Variants in PRKG1 observed in about 807,000 individuals in gnomAD.
The protein encoded by PRKG1 is protein kinase cGMP-dependent 1.
PRKG1 carries 35 observed loss-of-function variants against 88.1 expected under a neutral mutation model. The ratio of observed to expected loss-of-function variants is 0.40; its 90% CI spans 0.30 to 0.53. The LOEUF (loss-of-function observed/expected upper bound fraction) is 0.53, where lower values mean the gene tolerates loss of function less well. Among genes scored for constraint, PRKG1 ranks in the 20% least tolerant of loss-of-function variants. PRKG1 has a pLI of 0.59. For synonymous variants in PRKG1, 303 were observed against 292.5 expected, an observed-to-expected ratio of 1.04 and a Z score of -0.37; for missense variants, 540 against 839.8, an observed-to-expected ratio of 0.64 and a Z score of 4.41.
chr10:51,657,312 C>T (rs1840185736), intron 3 of PRKG1, among the ~76,000 whole-genome samples: 1 of 152,114 alleles, frequency 6.6e-6, no homozygotes, highest in Non-Finnish European at 1.5e-5. Context: ...TCAATTGCTT[C>T]TGCCGTAACA....
intron 2 of PRKG1, among the ~76,000 whole-genome samples, chr10:51,466,203 T>C (rs1284869857): frequency 6.6e-6 from 1 of 152,148 alleles, no homozygotes; most frequent in Non-Finnish European, 1.5e-5. Flanking sequence ...GAAAATGCCA[T>C]GGGAACTATC....
At chr10:51,799,946 A>G (rs1167851214) in intron 3 of PRKG1, among the ~76,000 whole-genome samples, 2 of 152,114 alleles carry the variant, frequency 1.3e-5, no homozygotes, top group Non-Finnish European at 2.9e-5. Context: ...ATATTGAAAT[A>G]CTGTGATGAC....
chr10:51,031,664 T>C (rs1239445519), intron 1 of PRKG1, among the ~76,000 whole-genome samples: 1 of 152,138 alleles, frequency 6.6e-6, no homozygotes, highest in Non-Finnish European at 1.5e-5. Flanking sequence ...GACACAATTT[T>C]ATGGATAGAA....
At chr10:51,298,748 A>G (rs1840790726) in intron 2 of PRKG1, among the ~76,000 whole-genome samples, 1 of 152,210 alleles carries the variant, frequency 6.6e-6, no homozygotes, top group East Asian at 1.9e-4. Flanking sequence ...GGAGTATTTT[A>G]TGTGGGCTGA....
intron 2 of PRKG1, among the ~76,000 whole-genome samples, chr10:51,165,961 A>G (rs1384774534): frequency 2.6e-5 from 4 of 152,132 alleles, no homozygotes; most frequent in Non-Finnish European, 5.9e-5. Context: ...ACTTAAAGCC[A>G]TTCACACATA....
chr10:51,868,973 C>A (rs1841087640), intron 4 of PRKG1, among the ~76,000 whole-genome samples: 1 of 152,110 alleles, frequency 6.6e-6, no homozygotes, highest in African/African-American at 2.4e-5. Flanking sequence ...AGGGCATTTT[C>A]CCAGGTTTGG....
intron 2 of PRKG1, among the ~76,000 whole-genome samples, chr10:51,297,928 T>C (rs756036056): frequency 7.9e-5 from 12 of 152,112 alleles, no homozygotes; most frequent in African/African-American, 2.7e-4. Context: ...CAATGAGGGA[T>C]AGAGTAGGTG....
At chr10:51,780,308 T>C (rs1411625153) in intron 3 of PRKG1, among the ~76,000 whole-genome samples, 5 of 152,088 alleles carry the variant, frequency 3.3e-5, no homozygotes, top group Admixed American at 2.0e-4. Context: ...TAAGGCACAG[T>C]GATTTTTACT....
chr10:51,218,316 T>C (rs1184561412), intron 2 of PRKG1, among the ~76,000 whole-genome samples: 1 of 151,694 alleles, frequency 6.6e-6, no homozygotes, highest in African/African-American at 2.4e-5. Flanking sequence ...ACTATAAACA[T>C]GTGTGGCTTC....
At chr10:52,077,715 TATCA>T (rs1846666957) in intron 7 of PRKG1, among the ~76,000 whole-genome samples, 1 of 152,160 alleles carries the variant, frequency 6.6e-6, no homozygotes, top group Admixed American at 6.6e-5. Context: ...ATGCTTCTAT[TATCA>T]AAACATCTTT....
Position 51,030,346 on chromosome 10 carries a change from T to C in PRKG1, c.266+38702T>C, listed in dbSNP as rs1314799793. 2.0e-5 allele frequency among the ~76,000 whole-genome samples: 3 copies of C among 152,170 alleles called. No homozygotes were observed. In the East Asian group the frequency reaches 5.8e-4, roughly 29 times the overall value. The stretch of plus-strand genomic sequence containing the variant: ...TGTGAATCATTGTCACGTTTTCACT[T>C]GCCTGATACACTAAGGGATCACATA... On this transcript the variant is annotated intron_variant, in intron 1 of 17. Transcript: ENST00000401604.
At chr10:52,219,539 A>AT (rs1008278887) in intron 9 of PRKG1, among the ~76,000 whole-genome samples, 12 of 152,290 alleles carry the variant, frequency 7.9e-5, no homozygotes, top group African/African-American at 1.7e-4. Context: ...AAACCGACTG[A>AT]TTTTTTCTCA....
chr10:51,944,670 G>C (rs1237242776), intron 5 of PRKG1, among the ~76,000 whole-genome samples: 1 of 152,000 alleles, frequency 6.6e-6, no homozygotes, highest in Admixed American at 6.6e-5. Flanking sequence ...GTTCTCATTG[G>C]TTTCAAAGAA....
intron 7 of PRKG1, among the ~76,000 whole-genome samples, chr10:52,113,387 G>A (rs1396910078): frequency 6.6e-6 from 1 of 152,042 alleles, no homozygotes; most frequent in Non-Finnish European, 1.5e-5. Context: ...TGGATGGATA[G>A]ATGAATGGAT....
At chr10:51,575,245 C>A (rs1029981055) in intron 3 of PRKG1, among the ~76,000 whole-genome samples, 2 of 151,922 alleles carry the variant, frequency 1.3e-5, no homozygotes, top group African/African-American at 4.8e-5. Context: ...ACCTTCTCTT[C>A]ATTTTTCTTT....
chr10:51,098,173 G>A (rs1297124579), intron 1 of PRKG1, among the ~76,000 whole-genome samples: 2 of 152,096 alleles, frequency 1.3e-5, no homozygotes, highest in African/African-American at 2.4e-5. Flanking sequence ...GTGTTTATGA[G>A]CATGGCCCTT....
intron 3 of PRKG1, among the ~76,000 whole-genome samples, chr10:51,756,582 G>A (rs1281112513): frequency 1.3e-5 from 2 of 151,798 alleles, no homozygotes; most frequent in Non-Finnish European, 2.9e-5. Context: ...TTGGGAGGCC[G>A]AGGTGGGCGG....
intron 2 of PRKG1, among the ~76,000 whole-genome samples, chr10:51,341,013 T>C (rs1182798910): frequency 6.6e-6 from 1 of 152,158 alleles, no homozygotes. Flanking sequence ...TATCCATTCA[T>C]CCAAAGAGTC....
chr10:51,716,277 C>T (rs1841883621), intron 3 of PRKG1, among the ~76,000 whole-genome samples: 1 of 152,184 alleles, frequency 6.6e-6, no homozygotes, highest in African/African-American at 2.4e-5. Flanking sequence ...TTTTAGTTTA[C>T]AGTCCGTCAC....
Sources: allele counts gnomAD v4.1 joint callset (sites outside exome capture counted in the v4.1 genomes callset), GRCh38; gene constraint gnomAD v4.1.1; transcripts MANE v1.5; gene names NCBI Gene and HGNC (gene_info 2026-07-23, HGNC 2026-07-21).